The following LRRC3B variants were observed in gnomAD, a reference collection of about 807,000 sequenced individuals.
LRRC3B encodes leucine rich repeat containing 3B.
LRRC3B carries 2 observed loss-of-function variants against 12.8 expected under a neutral mutation model. That is an observed-to-expected ratio of 0.16 (90% CI 0.06 to 0.49). The LOEUF (loss-of-function observed/expected upper bound fraction) is 0.49. Among genes scored for constraint, LRRC3B ranks in the 20% least tolerant of loss-of-function variants. LRRC3B has a pLI of 0.96. For missense variants in LRRC3B, 189 were observed against 319.4 expected (o/e 0.59, Z 3.11); for synonymous variants, 132 against 122.0 (o/e 1.08, Z -0.54).
intron 1 of LRRC3B, among the ~76,000 whole-genome samples, chr3:26,648,924 C>T (rs138395867): frequency 3.3e-5 from 5 of 152,288 alleles, no homozygotes; most frequent in Non-Finnish European, 7.4e-5. Flanking sequence ...CTTGAGGCAA[C>T]TCAAAAATAA....
At chr3:26,648,486 A>G (rs1426792662) in intron 1 of LRRC3B, among the ~76,000 whole-genome samples, 1 of 152,168 alleles carries the variant, frequency 6.6e-6, no homozygotes, top group African/African-American at 2.4e-5. Flanking sequence ...CAAGAAAATG[A>G]AACAAAATCC....
chr3:26,696,493 G>A (rs1008118783), intron 1 of LRRC3B, among the ~76,000 whole-genome samples: 6 of 152,128 alleles, frequency 3.9e-5, no homozygotes, highest in Non-Finnish European at 1.5e-5. Flanking sequence ...AATTTGATCA[G>A]ACTCTCCCCT....
chr3:26,667,280 A>G (rs1699626012), intron 1 of LRRC3B, among the ~76,000 whole-genome samples: 1 of 152,170 alleles, frequency 6.6e-6, no homozygotes, highest in South Asian at 2.1e-4. Context: ...TAAGTTTGTT[A>G]AGGGTTCTCA....
chr3:26,709,086 C>T (rs757814817), intron 1 of LRRC3B, among the ~76,000 whole-genome samples: 1 of 152,186 alleles, frequency 6.6e-6, no homozygotes. Context: ...TGTCTATAGT[C>T]ATTAACCATG....
At chr3:26,709,138 T>G (rs955754442) in intron 1 of LRRC3B, among the ~76,000 whole-genome samples, 12 of 152,250 alleles carry the variant, frequency 7.9e-5, no homozygotes, top group African/African-American at 2.4e-4. Context: ...AGTGCAGGAC[T>G]AAATTACATT....
chr3:26,706,959 C>T (rs900238507), intron 1 of LRRC3B, among the ~76,000 whole-genome samples: 1 of 152,080 alleles, frequency 6.6e-6, no homozygotes, highest in East Asian at 1.9e-4. Context: ...TTTATTTAGT[C>T]CTCACTATAT....
chr3:26,696,527 A>G (rs1415640133), intron 1 of LRRC3B, among the ~76,000 whole-genome samples: 1 of 151,476 alleles, frequency 6.6e-6, no homozygotes, highest in African/African-American at 2.5e-5. Flanking sequence ...GCTGTTTGTA[A>G]GTGAGGTTAC....
At position 26,674,861 on chromosome 3, in the gene LRRC3B, T is replaced by A. The variant is rs139717073; in HGVS notation, c.-160-34652T>A. Among the ~76,000 whole-genome samples the A allele has an allele frequency of 3.3e-5, 5 of 152,316 alleles. No individual in the cohort carries two copies. In the East Asian group the frequency reaches 9.7e-4, roughly 29 times the overall value. On this transcript the variant is annotated intron_variant, in intron 1 of 1. Coordinates refer to ENST00000396641, the Ensembl canonical transcript of LRRC3B. ...GAGGTTGCCCGGCCTAATACCTGGGTGTCAGTGTAGACCAGGGCCTGTCTA... is the reference window on the plus strand; with the variant it reads ...GAGGTTGCCCGGCCTAATACCTGGGAGTCAGTGTAGACCAGGGCCTGTCTA...
chr3:26,628,797 A>G (rs1231930994), intron 1 of LRRC3B, among the ~76,000 whole-genome samples: 2 of 151,526 alleles, frequency 1.3e-5, no homozygotes, highest in Non-Finnish European at 1.5e-5. Context: ...TGGTAAGTTA[A>G]TAGTAAGGGC....
intron 1 of LRRC3B, among the ~76,000 whole-genome samples, chr3:26,671,413 G>GAGACAGAGAGAGAGACAC (rs9331540): frequency 1.7e-4 from 17 of 99,408 alleles, no homozygotes; most frequent in Non-Finnish European, 2.5e-4. Flanking sequence ...GAGAGAGAGA[G>GAGACAGAGAGAGAGACAC]ACGAAGTCTT....
intron 1 of LRRC3B, among the ~76,000 whole-genome samples, chr3:26,690,061 G>C (rs1240679823): frequency 6.6e-6 from 1 of 152,184 alleles, no homozygotes; most frequent in Non-Finnish European, 1.5e-5. Flanking sequence ...CAAAGCAAAA[G>C]CCATAGGCAT....
intron 1 of LRRC3B, among the ~76,000 whole-genome samples, chr3:26,693,227 GC>G (rs1700230088): frequency 6.7e-6 from 1 of 148,636 alleles, no homozygotes; most frequent in South Asian, 2.1e-4. Flanking sequence ...TACACAGGAG[GC>G]TGAGGCAGGA....
intron 1 of LRRC3B, among the ~76,000 whole-genome samples, chr3:26,650,965 G>A (rs1352584411): frequency 6.6e-6 from 1 of 152,184 alleles, no homozygotes; most frequent in African/African-American, 2.4e-5. Flanking sequence ...TTGTAAAAAT[G>A]AAGAAATGCA....
chr3:26,647,291 C>T (rs1699173344), intron 1 of LRRC3B, among the ~76,000 whole-genome samples: 2 of 152,110 alleles, frequency 1.3e-5, no homozygotes, highest in Admixed American at 1.3e-4. Context: ...GTTTTGATGA[C>T]TCATTTGTGT....
At chr3:26,688,403 G>C (rs1034520562) in intron 1 of LRRC3B, among the ~76,000 whole-genome samples, 2 of 152,144 alleles carry the variant, frequency 1.3e-5, no homozygotes, top group Admixed American at 1.3e-4. Context: ...ATCTGTATTA[G>C]CCTATTCCTA....
At chr3:26,663,669 G>A (rs1699540336) in intron 1 of LRRC3B, among the ~76,000 whole-genome samples, 1 of 152,216 alleles carries the variant, frequency 6.6e-6, no homozygotes, top group Admixed American at 6.5e-5. Flanking sequence ...TCTCAGTGTG[G>A]CTGTTTTAGT....
intron 1 of LRRC3B, among the ~76,000 whole-genome samples, chr3:26,678,429 G>A (rs1489066785): frequency 6.6e-6 from 1 of 151,984 alleles, no homozygotes; most frequent in Non-Finnish European, 1.5e-5. Flanking sequence ...GGGAGGCGAA[G>A]GTTACAGTGA....
intron 1 of LRRC3B, among the ~76,000 whole-genome samples, chr3:26,706,593 G>A (rs1010421712): frequency 2.0e-5 from 3 of 152,190 alleles, no homozygotes; most frequent in Non-Finnish European, 2.9e-5. Context: ...TTTGGGATAT[G>A]ACGGATTCCA....
At chr3:26,669,640 A>C (rs1699679523) in intron 1 of LRRC3B, among the ~76,000 whole-genome samples, 1 of 152,206 alleles carries the variant, frequency 6.6e-6, no homozygotes, top group Admixed American at 6.5e-5. Context: ...AGAGCAAACC[A>C]ATAAATTGGA....
Sources: gnomAD v4.1 joint callset for allele counts (sites outside exome capture counted in the v4.1 genomes callset) on GRCh38, gnomAD v4.1.1 for gene constraint, MANE v1.5 for transcripts, NCBI Gene and HGNC (gene_info 2026-07-23, HGNC 2026-07-21) for gene names.